Variants in ETFDH observed in about 807,000 individuals in gnomAD.
The protein encoded by ETFDH is electron transfer flavoprotein-ubiquinone oxidoreductase, mitochondrial.
Under a neutral mutation model 73.2 loss-of-function variants are expected in ETFDH, and 61 were observed. The observed-to-expected ratio is 0.83, with a 90% CI of 0.68 to 1.03. The LOEUF (loss-of-function observed/expected upper bound fraction) is 1.03, where lower values mean the gene tolerates loss of function less well. Among genes scored for constraint, ETFDH ranks in the 50% least tolerant of loss-of-function variants. The pLI, the probability that ETFDH is intolerant of heterozygous loss-of-function variation, is 0.00. For synonymous variants in ETFDH, 243 were observed against 253.3 expected, an observed-to-expected ratio of 0.96 and a Z score of 0.39; for missense variants, 685 against 745.0, an observed-to-expected ratio of 0.92 and a Z score of 0.94.
chr4:158,703,266 C>T (rs368613218), intron 9 of ETFDH, among the ~76,000 whole-genome samples, 157 bp from the exon 10 acceptor site: 2 of 152,194 alleles, frequency 1.3e-5, no homozygotes, highest in Middle Eastern at 3.4e-3. Flanking sequence ...AGAAAACTGC[C>T]CTTGCTCTGT....
intron 1 of ETFDH, among the ~76,000 whole-genome samples, chr4:158,678,922 T>A (rs1049710538): frequency 2.0e-4 from 30 of 152,112 alleles, no homozygotes; most frequent in African/African-American, 6.8e-4. Context: ...TAGCTGAGAT[T>A]TACAGTCATG....
In ETFDH at chr4:158,698,979, T is replaced by C. The variant is rs371843463; in HGVS notation, c.973-8T>C. 11 of 1,574,600 alleles carry C rather than the reference T, an allele frequency of 7.0e-6. No individual in the cohort carries two copies. In the African/African-American group the frequency reaches 1.5e-4, roughly 21 times the overall value. ...ATGTCTAATTAAATATAAGTGTAAA[T>C]TTTTAAGGTTGGTCTAGACTATCAG... On this transcript the variant is annotated splice_polypyrimidine_tract_variant and splice_region_variant and intron_variant, in intron 8 of 12. Coordinates refer to ENST00000511912, the MANE Select transcript of ETFDH (RefSeq NM_004453.4).
rs1014508077 is a variant in ETFDH, at chr4:158,695,586, G to A, written c.774G>A (p.Lys258=). The A allele has an allele frequency of 4.3e-6, 7 of 1,612,054 alleles. No homozygotes were observed. Among genetic ancestry groups the A allele is most frequent in the Admixed American group, 1.7e-5 (1 of 60,026 alleles). Residue 258 remains lysine (K), a synonymous_variant, in exon 7 of 13, where the codon AAG becomes AAA. Coordinates refer to ENST00000511912, the MANE Select transcript of ETFDH (RefSeq NM_004453.4). ...GACATCTAGCCAAGCAACTATATAA[G>A]AAGTTTGATTTGAGAGCAAATTGTG... is the stretch of plus-strand genomic sequence containing the variant. ...CHGHLAKQLY[K]KFDLRANCEP...
intron 10 of ETFDH, among the ~76,000 whole-genome samples, chr4:158,704,401 T>G (rs775973029): frequency 2.0e-5 from 3 of 152,196 alleles, no homozygotes; most frequent in African/African-American, 4.8e-5. Context: ...CACACTGGCT[T>G]CTTTACAGTT....
At chr4:158,683,341 G>C (rs933436644) in intron 3 of ETFDH, among the ~76,000 whole-genome samples, 1 of 152,118 alleles carries the variant, frequency 6.6e-6, no homozygotes, top group Non-Finnish European at 1.5e-5. Context: ...GAATATACTT[G>C]CAAAGATCAA....
At position 158,672,320 on chromosome 4, in the gene ETFDH, C is replaced by A; in HGVS notation, c.-137C>A. ...CGTGAAGCAAGAGCGGTCGGCAGAG[C>A]GGGGAGGCGAACTGCAGCAGAGTTC... is the stretch of plus-strand genomic sequence containing the variant. On this transcript the variant is annotated 5_prime_UTR_variant, in exon 1 of 13. Coordinates refer to ENST00000511912, the MANE Select transcript of ETFDH (RefSeq NM_004453.4). 1.1e-6 allele frequency: 1 copy of A among 874,234 alleles called. No individual in the cohort carries two copies. The highest frequency in any genetic ancestry group is 2.0e-6 in the Non-Finnish European group (1 of 512,682). 54.2% of individuals were successfully genotyped at this position (874,234 alleles called of 1,614,324 possible).
rs758081438 is a variant in ETFDH at position 158,699,102 on chromosome 4, C to G, written c.1088C>G (p.Ala363Gly). The G allele has an allele frequency of 6.2e-7, 1 of 1,613,894 alleles. No homozygotes were observed. The highest frequency in any genetic ancestry group is 1.7e-5 in the Admixed American group (1 of 60,000). Residue 363 changes from alanine to glycine, a missense_variant, in exon 9 of 13, where the codon GCC (alanine) becomes GGC (glycine). This residue lies in a region of ETFDH where 79 missense variants were observed against 120.5 expected (regional missense o/e 0.66). Transcript: ENST00000511912. The stretch of plus-strand genomic sequence containing the variant: ...GGTGGAAAAAGGATTGCATACGGAG[C>G]CAGAGCTCTCAATGAAGGTGGCTTT... ...LEGGKRIAYG[A>G]RALNEGGFQS...
rs1448673327 is a variant in ETFDH at position 158,695,543 on chromosome 4, T to C, written c.731T>C (p.Phe244Ser). ...GLELHAKVTI[F>S]AEGCHGHLAK... ...GAACTACATGCTAAAGTCACAATTT[T>C]TGCAGAAGGTTGCCATGGACATCTA... is the stretch of plus-strand genomic sequence containing the variant. The change falls in exon 7 of 13, where the codon TTT becomes TCT. Residue 244 changes from phenylalanine to serine, a missense_variant. Around this residue, in one of 3 missense-constraint regions of ETFDH, gnomAD observed 405 missense variants for 399.3 expected, o/e 1.01. Transcript: ENST00000511912. 3.7e-6 allele frequency: 6 copies of C among 1,613,106 alleles called. No homozygotes were observed. Among genetic ancestry groups the C allele is most frequent in the Non-Finnish European group, 5.1e-6 (6 of 1,179,330 alleles).
At chr4:158,680,674 G>A in intron 2 of ETFDH, 67 bp downstream of exon 2, 2 of 1,318,818 alleles carry the variant, frequency 1.5e-6, no homozygotes, top group Non-Finnish European at 2.2e-6. Flanking sequence ...TTGTGGAGGA[G>A]AGTATTAATA....
At chr4:158,707,129 T>C (rs759203813) in intron 12 of ETFDH, among the ~76,000 whole-genome samples, 11 of 152,026 alleles carry the variant, frequency 7.2e-5, no homozygotes, top group Non-Finnish European at 1.3e-4. Context: ...CATGTGACTA[T>C]TTAAAGTCAT....
chr4:158,673,186 CCCA>C, intron 1 of ETFDH, among the ~76,000 whole-genome samples: 1 of 152,318 alleles, frequency 6.6e-6, no homozygotes, highest in African/African-American at 2.4e-5. Flanking sequence ...CTCCTGTAAT[CCCA>C]GCTACTCAGG....
intron 10 of ETFDH, among the ~76,000 whole-genome samples, chr4:158,705,732 A>G (rs561672617): frequency 1.1e-4 from 17 of 152,356 alleles, no homozygotes; most frequent in African/African-American, 4.1e-4. Flanking sequence ...GAAGATGCCA[A>G]CATTTATACA....
intron 7 of ETFDH, among the ~76,000 whole-genome samples, chr4:158,696,899 G>A (rs751073838): frequency 2.6e-5 from 4 of 152,150 alleles, no homozygotes; most frequent in Non-Finnish European, 5.9e-5. Flanking sequence ...CAGTACCGCA[G>A]AACTTTCCCT....
intron 2 of ETFDH, chr4:158,681,508 A>T (rs1203692522): frequency 2.0e-5 from 3 of 152,292 alleles, no homozygotes; most frequent in African/African-American, 7.2e-5. Context: ...CTAAGCATAC[A>T]GTGTTTATGA....
chr4:158,676,314 A>T (rs551598677), intron 1 of ETFDH, among the ~76,000 whole-genome samples: 2 of 152,220 alleles, frequency 1.3e-5, no homozygotes, highest in Admixed American at 1.3e-4. Context: ...TAGTTCATCG[A>T]TCTGGGTGGT....
At chr4:158,700,988 C>CT (rs1774448382) in intron 9 of ETFDH, 1 of 152,196 alleles carries the variant, frequency 6.6e-6, no homozygotes, top group African/African-American at 2.4e-5. Flanking sequence ...CAAATACTGT[C>CT]TAACTTTTTT....
At chr4:158,699,254 T>C (rs1025625223) in intron 9 of ETFDH, 124 bp downstream of exon 9, 1 of 854,728 alleles carries the variant, frequency 1.2e-6, no homozygotes, top group African/African-American at 1.7e-5. Flanking sequence ...GTAGAGTTTA[T>C]AAAACTGTGT....
At chr4:158,702,486 C>T (rs1300666985) in intron 9 of ETFDH, among the ~76,000 whole-genome samples, 1 of 151,952 alleles carries the variant, frequency 6.6e-6, no homozygotes, top group Non-Finnish European at 1.5e-5. Flanking sequence ...TTCTACCATT[C>T]CCATCCTCTA....
intron 9 of ETFDH, among the ~76,000 whole-genome samples, chr4:158,699,934 G>C (rs996456852): frequency 6.6e-6 from 1 of 152,142 alleles, no homozygotes; most frequent in African/African-American, 2.4e-5. Context: ...TTATCATACA[G>C]GTAAGATGAT....
Sources: allele counts gnomAD v4.1 joint callset (sites outside exome capture counted in the v4.1 genomes callset), GRCh38; gene constraint gnomAD v4.1.1; regional missense constraint gnomAD v4.1.1; transcripts MANE v1.5; gene names NCBI Gene and HGNC (gene_info 2026-07-23, HGNC 2026-07-21).